ZFHX3: variants seen among roughly 807,000 people sequenced by gnomAD.
The protein encoded by ZFHX3 is zinc finger homeobox 3, also known as zinc finger homeobox protein 3.
ZFHX3 carries 42 observed loss-of-function variants against 279.1 expected under a neutral mutation model. The observed-to-expected ratio is 0.15, with a 90% CI of 0.12 to 0.19. The LOEUF is 0.19. Among genes scored for constraint, ZFHX3 ranks in the 10% least tolerant of loss-of-function variants. The probability of loss-of-function intolerance (pLI) is 1.00; values close to 1 mark genes in which losing one functional copy is unlikely to be tolerated. For missense variants in ZFHX3, 4,981 were observed against 4,754.0 expected (o/e 1.05, Z -1.40); for synonymous variants, 2,293 against 1,957.8 (o/e 1.17, Z -4.52).
intron 5 of ZFHX3, among the ~76,000 whole-genome samples, chr16:73,170,938 T>TAGTC (rs1967506626): frequency 6.6e-6 from 1 of 151,962 alleles, no homozygotes; most frequent in Non-Finnish European, 1.5e-5. Flanking sequence ...CCGTGGAAAA[T>TAGTC]CCAGAGCCGA....
intron 1 of ZFHX3, among the ~76,000 whole-genome samples, chr16:73,030,257 T>C (rs777324331): frequency 1.9e-4 from 29 of 152,166 alleles, no homozygotes; most frequent in Non-Finnish European, 2.9e-4. Flanking sequence ...ATGGAATTGC[T>C]TTGCCAGACA....
chr16:73,110,711 G>A (rs1481089659), intron 7 of ZFHX3, among the ~76,000 whole-genome samples: 1 of 151,952 alleles, frequency 6.6e-6, no homozygotes, highest in Admixed American at 6.6e-5. Flanking sequence ...CTACAGGTGC[G>A]TATCAACACA....
chr16:72,922,995 A>G (rs954457898), intron 3 of ZFHX3, among the ~76,000 whole-genome samples: 1 of 152,214 alleles, frequency 6.6e-6, no homozygotes, highest in African/African-American at 2.4e-5. Flanking sequence ...TATCTAAGGC[A>G]CTATACTATA....
At chr16:72,886,389 TC>T (rs1247292780) in intron 4 of ZFHX3, among the ~76,000 whole-genome samples, 2 of 151,864 alleles carry the variant, frequency 1.3e-5, no homozygotes, top group African/African-American at 4.8e-5. Context: ...CACACACTTC[TC>T]GGGGGAAAAA....
chr16:73,485,990 G>A (rs1168787057), intron 2 of ZFHX3, among the ~76,000 whole-genome samples: 1 of 152,166 alleles, frequency 6.6e-6, no homozygotes, highest in Non-Finnish European at 1.5e-5. Context: ...TCATCAATGT[G>A]TCCCAAGTTC....
intron 1 of ZFHX3, among the ~76,000 whole-genome samples, chr16:73,850,775 C>A (rs1011801093): frequency 2.6e-5 from 4 of 151,836 alleles, no homozygotes; most frequent in Admixed American, 6.6e-5. Flanking sequence ...GCTCTCTTCG[C>A]CCAAAGCCAC....
chr16:73,251,689 A>T (rs1296294657), intron 5 of ZFHX3, among the ~76,000 whole-genome samples: 4 of 151,430 alleles, frequency 2.6e-5, no homozygotes, highest in African/African-American at 9.7e-5. Context: ...CATACACACC[A>T]CACACACACA....
At chr16:73,474,504 T>C (rs568195567) in intron 2 of ZFHX3, among the ~76,000 whole-genome samples, 1 of 152,202 alleles carries the variant, frequency 6.6e-6, no homozygotes, top group Admixed American at 6.5e-5. Flanking sequence ...TGCATTTTTA[T>C]ATAAAACTCC....
At chr16:73,329,325 A>C (rs2015753697) in intron 3 of ZFHX3, among the ~76,000 whole-genome samples, 1 of 152,228 alleles carries the variant, frequency 6.6e-6, no homozygotes, top group East Asian at 1.9e-4. Context: ...GTGTTGAGGA[A>C]ATATCTTCCT....
intron 1 of ZFHX3, among the ~76,000 whole-genome samples, chr16:73,787,634 G>A (rs1468929408): frequency 6.6e-6 from 1 of 152,162 alleles, no homozygotes; most frequent in East Asian, 1.9e-4. Context: ...TCATCTTAAT[G>A]AAAGTTTATT....
chr16:73,421,574 G>A (rs1297188199), intron 3 of ZFHX3, among the ~76,000 whole-genome samples: 3 of 152,226 alleles, frequency 2.0e-5, no homozygotes, highest in East Asian at 1.9e-4. Flanking sequence ...TGTACAAAAT[G>A]TACAACATTT....
At chr16:72,820,892 G>A (rs925663846) in intron 5 of ZFHX3, among the ~76,000 whole-genome samples, 1 of 152,028 alleles carries the variant, frequency 6.6e-6, no homozygotes, top group South Asian at 2.1e-4. Context: ...TCTAGGATCC[G>A]GCCAAAGTTA....
intron 2 of ZFHX3, among the ~76,000 whole-genome samples, chr16:73,474,962 G>T (rs1418519906): frequency 1.3e-5 from 2 of 152,118 alleles, no homozygotes; most frequent in East Asian, 1.9e-4. Flanking sequence ...GTGGGTAATT[G>T]CCACCAGAGG....
intron 7 of ZFHX3, among the ~76,000 whole-genome samples, chr16:73,101,808 A>T (rs1597156869): frequency 6.6e-6 from 1 of 151,276 alleles, no homozygotes; most frequent in East Asian, 1.9e-4. Context: ...TAGGCTTCAA[A>T]CCTCAACCTT....
At chr16:72,933,947 T>C (rs1472962751) in intron 3 of ZFHX3, among the ~76,000 whole-genome samples, 1 of 151,116 alleles carries the variant, frequency 6.6e-6, no homozygotes, top group African/African-American at 2.4e-5. Context: ...GCCTCCCGAG[T>C]AGCTGGGACT....
At chr16:73,334,686 C>T (rs2015874412) in intron 3 of ZFHX3, among the ~76,000 whole-genome samples, 1 of 152,064 alleles carries the variant, frequency 6.6e-6, no homozygotes, top group Non-Finnish European at 1.5e-5. Flanking sequence ...CCAAGACAGA[C>T]GCTCGGGGCA....
intron 5 of ZFHX3, among the ~76,000 whole-genome samples, chr16:73,196,640 G>A (rs1037897544): frequency 2.0e-5 from 3 of 152,024 alleles, no homozygotes; most frequent in Non-Finnish European, 2.9e-5. Flanking sequence ...GAACATCTGA[G>A]TTGGAATCCC....
intron 1 of ZFHX3, among the ~76,000 whole-genome samples, chr16:73,012,864 T>C (rs1963962993): frequency 6.6e-6 from 1 of 152,170 alleles, no homozygotes; most frequent in Admixed American, 6.5e-5. Flanking sequence ...GGTGATTCCA[T>C]ATGGTTCAAA....
upstream of ZFHX3, chr16:73,060,533 T>G (rs1426558120): frequency 7.6e-6 from 1 of 130,892 alleles, no homozygotes; most frequent in African/African-American, 2.8e-5. Flanking sequence ...CCCTCTTCTC[T>G]GTCTCTTCCC....
Sources: allele counts gnomAD v4.1 joint callset (sites outside exome capture counted in the v4.1 genomes callset), GRCh38; gene constraint gnomAD v4.1.1; transcripts MANE v1.5; gene names NCBI Gene and HGNC (gene_info 2026-07-23, HGNC 2026-07-21).